The following LYPLAL1 variants were observed in gnomAD, a reference collection of about 807,000 sequenced individuals.
LYPLAL1 encodes lysophospholipase-like protein 1.
A neutral mutation model predicts 19.7 loss-of-function variants in LYPLAL1; 23 were observed. The ratio of observed to expected loss-of-function variants is 1.17; its 90% CI spans 0.84 to 1.65. The LOEUF is 1.65. Among genes scored for constraint, LYPLAL1 ranks in the 40% most tolerant of loss-of-function variants. LYPLAL1 has a pLI of 0.00. For missense variants in LYPLAL1, 355 were observed against 279.4 expected (o/e 1.27, Z -1.93); for synonymous variants, 119 against 96.3 (o/e 1.24, Z -1.38).
At chr1:219,344,124 T>C in the LYPLAL1 span, among the ~76,000 whole-genome samples, 1 of 152,204 alleles carries the variant, frequency 6.6e-6, no homozygotes, top group Non-Finnish European at 1.5e-5. Flanking sequence ...CAGTCCTTCT[T>C]TGAGTTATGG....
At chr1:219,356,174 A>T in the LYPLAL1 span, among the ~76,000 whole-genome samples, 2 of 152,304 alleles carry the variant, frequency 1.3e-5, no homozygotes, top group Non-Finnish European at 2.9e-5. Context: ...AGAAAATTTA[A>T]ATAAATAAAT....
At chr1:219,219,712 T>TTG in the LYPLAL1 span, among the ~76,000 whole-genome samples, 22 of 151,356 alleles carry the variant, frequency 1.5e-4, no homozygotes, top group East Asian at 3.9e-4. Flanking sequence ...GGGTTCATGT[T>TTG]TGTGTGTGTG....
At chr1:219,261,362 G>A in the LYPLAL1 span, among the ~76,000 whole-genome samples, 7 of 152,090 alleles carry the variant, frequency 4.6e-5, no homozygotes, top group Non-Finnish European at 8.8e-5. Context: ...AAGGTTTGGG[G>A]TTATATTACT....
At chr1:219,185,541 T>C (rs1656655790) in intron 2 of LYPLAL1, among the ~76,000 whole-genome samples, 1 of 151,944 alleles carries the variant, frequency 6.6e-6, no homozygotes, top group Non-Finnish European at 1.5e-5. Flanking sequence ...GCTGTACTTG[T>C]ATAACAGACC....
chr1:219,235,725 T>A, the LYPLAL1 span, among the ~76,000 whole-genome samples: 4 of 152,138 alleles, frequency 2.6e-5, no homozygotes, highest in Non-Finnish European at 5.9e-5. Context: ...TGAGGAAGAT[T>A]TTTCGATGCC....
At chr1:219,304,366 T>C in the LYPLAL1 span, among the ~76,000 whole-genome samples, 1 of 152,234 alleles carries the variant, frequency 6.6e-6, no homozygotes, top group Admixed American at 6.5e-5. Flanking sequence ...AAAAATTATT[T>C]TGAGCATTGA....
intron 1 of LYPLAL1, among the ~76,000 whole-genome samples, chr1:219,177,664 T>G (rs1333810119): frequency 6.6e-6 from 1 of 152,224 alleles, no homozygotes; most frequent in Admixed American, 6.5e-5. Flanking sequence ...CCAATCTCTA[T>G]TAATTTTACC....
Position 219,211,990 on chromosome 1 carries a change from A to G in LYPLAL1, c.*262A>G. The G allele has an allele frequency of 3.8e-6, 1 of 262,822 alleles. No homozygotes were observed. The highest frequency in any genetic ancestry group is 7.3e-5 in the East Asian group (1 of 13,728). The allele number at this position is 262,822 out of a possible 1,614,324, so 16.3% of individuals were successfully genotyped here. On this transcript the variant is annotated 3_prime_UTR_variant, in exon 5 of 5. Transcript: ENST00000366928. ...TTAAACTTTTAAATTTTTGAAATAAAGTATTCTAAACTAATATAAATAAGG... is the reference window on the plus strand; with the variant it reads ...TTAAACTTTTAAATTTTTGAAATAAGGTATTCTAAACTAATATAAATAAGG...
the LYPLAL1 span, among the ~76,000 whole-genome samples, chr1:219,265,975 A>G: frequency 6.6e-6 from 1 of 152,150 alleles, no homozygotes; most frequent in African/African-American, 2.4e-5. Context: ...CTGGGGTGGC[A>G]GGTGAGTGAA....
At chr1:219,237,642 TTTG>T in the LYPLAL1 span, among the ~76,000 whole-genome samples, 4 of 152,320 alleles carry the variant, frequency 2.6e-5, no homozygotes, top group East Asian at 1.9e-4. Context: ...TTTTTGTCTG[TTTG>T]TTGTTGTTGT....
At chr1:219,202,368 T>TA (rs1311824763) in intron 3 of LYPLAL1, among the ~76,000 whole-genome samples, 13 of 152,228 alleles carry the variant, frequency 8.5e-5, no homozygotes, top group Admixed American at 3.9e-4. Context: ...CTTGGAGACT[T>TA]ACAGGTAGCT....
At chr1:219,175,053 A>T in intron 1 of LYPLAL1, 1 of 985,434 alleles carries the variant, frequency 1.0e-6, no homozygotes, top group Non-Finnish European at 1.2e-6. Context: ...TTGGAAGGGA[A>T]TTGGAAAGGT....
intron 1 of LYPLAL1, among the ~76,000 whole-genome samples, chr1:219,177,873 T>A (rs1288849104): frequency 6.6e-6 from 1 of 152,204 alleles, no homozygotes; most frequent in East Asian, 1.9e-4. Flanking sequence ...AACAGATTTG[T>A]CACGTTCCTA....
chr1:219,418,039 A>G, the LYPLAL1 span, among the ~76,000 whole-genome samples: 3 of 152,254 alleles, frequency 2.0e-5, no homozygotes, highest in Non-Finnish European at 4.4e-5. Flanking sequence ...TGACAAAACA[A>G]GTAGGACCTG....
In LYPLAL1 at chr1:219,210,655, C is replaced by G; in HGVS notation, c.477+8C>G. On this transcript the variant is annotated splice_region_variant and intron_variant, in intron 4 of 4. Coordinates refer to ENST00000366928, the MANE Select transcript of LYPLAL1 (RefSeq NM_138794.5). ...GCATCTGCTGTTTACCAGGTAAGTT[C>G]CAGATTTAAAAAAAAATGAAAAAAA... is the stretch of plus-strand genomic sequence containing the variant. 6.3e-7 allele frequency: 1 copy of G among 1,590,456 alleles called. No individual in the cohort carries two copies. The highest frequency in any genetic ancestry group is 8.5e-7 in the Non-Finnish European group (1 of 1,171,578).
intron 3 of LYPLAL1, among the ~76,000 whole-genome samples, chr1:219,206,360 A>G (rs1414817749): frequency 1.3e-5 from 2 of 152,098 alleles, no homozygotes; most frequent in African/African-American, 4.8e-5. Context: ...GTATTTACTT[A>G]TTGAACAGTA....
the LYPLAL1 span, among the ~76,000 whole-genome samples, chr1:219,248,254 C>G: frequency 6.6e-6 from 1 of 152,088 alleles, no homozygotes; most frequent in Non-Finnish European, 1.5e-5. Context: ...GAAAATATAT[C>G]ACTTTATAAT....
At chr1:219,283,702 G>A in the LYPLAL1 span, among the ~76,000 whole-genome samples, 2 of 152,200 alleles carry the variant, frequency 1.3e-5, no homozygotes, top group African/African-American at 4.8e-5. Flanking sequence ...AGGAACCATA[G>A]AAGCATTCAA....
chr1:219,361,844 C>T, the LYPLAL1 span, among the ~76,000 whole-genome samples: 3 of 152,122 alleles, frequency 2.0e-5, no homozygotes, highest in African/African-American at 7.2e-5. Context: ...ATTTTAAAAA[C>T]ATTCTGTTTT....
Sources: allele counts gnomAD v4.1 joint callset (sites outside exome capture counted in the v4.1 genomes callset), GRCh38; gene constraint gnomAD v4.1.1; transcripts MANE v1.5; gene names NCBI Gene and HGNC (gene_info 2026-07-23, HGNC 2026-07-21).